The following ERC1 variants were observed in gnomAD, a reference collection of about 807,000 sequenced individuals.
ERC1 encodes RAB6 interacting protein 2.
Under a neutral mutation model 132.0 loss-of-function variants are expected in ERC1, and 56 were observed. That is an observed-to-expected ratio of 0.42 (90% confidence interval 0.34 to 0.53). The LOEUF is 0.53. Among genes scored for constraint, ERC1 ranks in the 20% least tolerant of loss-of-function variants. The probability of loss-of-function intolerance (pLI) is 0.03; values close to 1 mark genes in which losing one functional copy is unlikely to be tolerated. For synonymous variants in ERC1, 478 were observed against 476.1 expected (o/e 1.00, Z -0.05); for missense variants, 1,202 against 1,349.9 (o/e 0.89, Z 1.72).
intron 15 of ERC1, among the ~76,000 whole-genome samples, chr12:1,355,374 C>T (rs1210125660): frequency 6.6e-6 from 1 of 152,012 alleles, no homozygotes; most frequent in Non-Finnish European, 1.5e-5. Flanking sequence ...GCTCATGGGC[C>T]ATGGGCTGGC....
chr12:1,391,666 A>G (rs1331656033), intron 16 of ERC1, among the ~76,000 whole-genome samples: 2 of 152,120 alleles, frequency 1.3e-5, no homozygotes, highest in Admixed American at 6.5e-5. Context: ...CAACCTGGTG[A>G]GCATGGGGCC....
chr12:1,260,827 A>G (rs1052282752), intron 13 of ERC1, among the ~76,000 whole-genome samples: 2 of 152,216 alleles, frequency 1.3e-5, no homozygotes, highest in Admixed American at 6.5e-5. Context: ...TGTGACTTAT[A>G]ATATCACGTA....
intron 2 of ERC1, among the ~76,000 whole-genome samples, chr12:1,039,162 CT>C (rs1345945968): frequency 1.3e-5 from 2 of 151,840 alleles, no homozygotes; most frequent in Non-Finnish European, 2.9e-5. Context: ...TGGTGAAACC[CT>C]GTCTCTACTA....
intron 12 of ERC1, among the ~76,000 whole-genome samples, chr12:1,196,550 G>A (rs1277924287): frequency 6.7e-6 from 1 of 148,920 alleles, no homozygotes; most frequent in Non-Finnish European, 1.5e-5. Flanking sequence ...CTGGAGTGTA[G>A]TGGCGTGATG....
chr12:1,042,378 G>T (rs1970391463), intron 2 of ERC1, among the ~76,000 whole-genome samples: 1 of 112,976 alleles, frequency 8.9e-6, no homozygotes. Context: ...ATGGAGTTTA[G>T]CTCTGTTGCC....
chr12:1,488,483 C>T (rs779608354), intron 18 of ERC1, among the ~76,000 whole-genome samples: 3 of 152,066 alleles, frequency 2.0e-5, no homozygotes, highest in Non-Finnish European at 4.4e-5. Flanking sequence ...TGAGCCTGGG[C>T]GTTCAAGACA....
intron 13 of ERC1, among the ~76,000 whole-genome samples, chr12:1,247,741 A>G (rs2076243815): frequency 6.6e-6 from 1 of 152,218 alleles, no homozygotes; most frequent in African/African-American, 2.4e-5. Context: ...TCATGCCTGT[A>G]ATCCCAGTAC....
chr12:1,127,846 G>A (rs1948366447), intron 7 of ERC1, among the ~76,000 whole-genome samples: 2 of 152,136 alleles, frequency 1.3e-5, no homozygotes, highest in Non-Finnish European at 1.5e-5. Flanking sequence ...ATGAATCAAC[G>A]ATAACACTTG....
intron 1 of ERC1, among the ~76,000 whole-genome samples, chr12:995,343 G>C (rs540016146): frequency 6.6e-6 from 1 of 152,190 alleles, no homozygotes; most frequent in Non-Finnish European, 1.5e-5. Flanking sequence ...CTCTGACCAA[G>C]GTGAAATGGG....
chr12:1,402,700 G>C (rs1037505337), intron 16 of ERC1, among the ~76,000 whole-genome samples: 8 of 150,738 alleles, frequency 5.3e-5, no homozygotes, highest in Non-Finnish European at 1.2e-4. Flanking sequence ...AGCTGTAAGA[G>C]AAGATCAGTG....
At chr12:1,109,177 A>T (rs913007741) in intron 4 of ERC1, among the ~76,000 whole-genome samples, 2 of 152,232 alleles carry the variant, frequency 1.3e-5, no homozygotes, top group Admixed American at 6.5e-5. Context: ...CCTGGGGAGA[A>T]ACTAGGTACT....
rs548830014 is a variant in ERC1 at position 995,938 on chromosome 12, C to T, written c.-157+4616C>T. 5.3e-5 allele frequency among the ~76,000 whole-genome samples: 8 copies of T among 152,204 alleles called. No homozygotes were observed. The East Asian group carries it at 9.7e-4, about 18-fold the overall frequency. ...CTTTCAAGAAGGAGGGAACGGTCAGCGGTGTCATTGTTTAAAGTTGTGTCA... is the reference window on the plus strand; with the variant it reads ...CTTTCAAGAAGGAGGGAACGGTCAGTGGTGTCATTGTTTAAAGTTGTGTCA... On this transcript the variant is annotated intron_variant, in intron 1 of 18. Transcript: ENST00000360905.
At position 1,420,919 on chromosome 12, in the gene ERC1, TGGG is replaced by T. The variant is rs57475289; in HGVS notation, c.3024+12684_3024+12686del. ...TTTGTTTGTTTGTTTGGTTTTGGTT[TGGG>T]GGGGGGGGGGGTTAATTATAAAGCA... is the stretch of plus-strand genomic sequence containing the variant. On this transcript the variant is annotated intron_variant, in intron 17 of 18. Transcript: ENST00000360905. 7.5e-3 allele frequency among the ~76,000 whole-genome samples: 750 copies of T among 99,780 alleles called. 9 individuals are homozygous for T. The highest frequency in any genetic ancestry group is 0.031 in the Middle Eastern group (7 of 226). The allele number at this position is 99,780 out of a possible 152,430, so 65.5% of individuals were successfully genotyped here. A position where few individuals can be genotyped will look rare whatever the true frequency, so the allele number is the denominator to read the frequency against.
chr12:1,030,839 T>C (rs1967887221), intron 2 of ERC1, among the ~76,000 whole-genome samples: 1 of 152,240 alleles, frequency 6.6e-6, no homozygotes, highest in South Asian at 2.1e-4. Flanking sequence ...CAGTATTCAA[T>C]ACAGTAACAT....
chr12:1,180,677 A>G lies in ERC1; in HGVS notation c.1875A>G (p.Lys625=), dbSNP rs1265940483. The G allele has an allele frequency of 3.7e-6, 6 of 1,613,916 alleles. No homozygotes were observed. The highest frequency in any genetic ancestry group is 5.1e-6 in the Non-Finnish European group (6 of 1,180,030). ...CTTTGGAGGAGGCCCTTGCAGAGAAAGTGAGTGGCTGGCCCCAACTCTCCA... is the reference window on the plus strand; with the variant it reads ...CTTTGGAGGAGGCCCTTGCAGAGAAGGTGAGTGGCTGGCCCCAACTCTCCA... ...LTTLEEALAE[K]ERTIERLKEQ... Residue 625 remains lysine, a splice_region_variant and synonymous_variant, in exon 9 of 19, where the codon AAA becomes AAG. Transcript: ENST00000360905.
intron 17 of ERC1, among the ~76,000 whole-genome samples, chr12:1,440,357 A>G (rs533135603): frequency 1.1e-4 from 17 of 149,312 alleles, no homozygotes; most frequent in South Asian, 8.4e-4. Context: ...GACGCCCGCC[A>G]CCACGCCCGG....
At chr12:1,340,576 G>A (rs1245995186) in intron 15 of ERC1, among the ~76,000 whole-genome samples, 2 of 152,148 alleles carry the variant, frequency 1.3e-5, no homozygotes, top group South Asian at 4.1e-4. Context: ...GTCGTTGGGG[G>A]CTAGGAACGA....
Position 1,083,175 on chromosome 12 carries a change from G to C in ERC1, c.681G>C (p.Met227Ile). Residue 227 changes from methionine (M) to isoleucine (I), a missense_variant, in exon 3 of 19, where the codon ATG becomes ATC. Coordinates refer to ENST00000360905, the MANE Select transcript of ERC1 (RefSeq NM_178040.4). ...TGTCTTGGTTCTAGCACATGCAGAT[G>C]ACAATCCAGGCTCTCCAGGATGAAT... Reference protein sequence around the residue: ...VVQEENQHMQMTIQALQDELR... With the variant: ...VVQEENQHMQITIQALQDELR... 10 of 1,612,286 alleles carry C rather than the reference G, an allele frequency of 6.2e-6. No homozygotes were observed. Among genetic ancestry groups the C allele is most frequent in the Non-Finnish European group, 7.6e-6 (9 of 1,179,404 alleles).
At chr12:1,161,975 T>G (rs1249672081) in intron 8 of ERC1, among the ~76,000 whole-genome samples, 1 of 152,152 alleles carries the variant, frequency 6.6e-6, no homozygotes, top group Non-Finnish European at 1.5e-5. Context: ...TAAAAGAAAT[T>G]TTTTCTTCTG....
Sources: allele counts gnomAD v4.1 joint callset (sites outside exome capture counted in the v4.1 genomes callset), GRCh38; gene constraint gnomAD v4.1.1; transcripts MANE v1.5; gene names NCBI Gene and HGNC (gene_info 2026-07-23, HGNC 2026-07-21).